EDIL3: variants seen among roughly 807,000 people sequenced by gnomAD.
EDIL3 encodes the protein EGF like and discoidin domains 3.
A neutral mutation model predicts 67.4 loss-of-function variants in EDIL3; 37 were observed. The ratio of observed to expected loss-of-function variants is 0.55; its 90% CI spans 0.42 to 0.72. EDIL3 has a LOEUF of 0.72. EDIL3 is among the 30% of genes least tolerant of loss of function. The pLI, the probability that EDIL3 is intolerant of heterozygous loss-of-function variation, is 0.00. For synonymous variants in EDIL3, 195 were observed against 196.3 expected (o/e 0.99, Z 0.05); for missense variants, 527 against 586.3 (o/e 0.90, Z 1.04).
chr5:84,030,736 G>T (rs1182867782), intron 9 of EDIL3, among the ~76,000 whole-genome samples: 4 of 152,144 alleles, frequency 2.6e-5, no homozygotes, highest in Non-Finnish European at 5.9e-5. Context: ...TCACAGCCTA[G>T]TGAGTGGTGT....
At chr5:84,189,389 C>T (rs1342388600) in intron 3 of EDIL3, among the ~76,000 whole-genome samples, 1 of 151,900 alleles carries the variant, frequency 6.6e-6, no homozygotes, top group Non-Finnish European at 1.5e-5. Flanking sequence ...TTCAGGCACT[C>T]AGCAACTTTC....
intron 1 of EDIL3, among the ~76,000 whole-genome samples, chr5:84,329,310 T>C (rs1717189839): frequency 6.6e-6 from 1 of 152,114 alleles, no homozygotes; most frequent in Non-Finnish European, 1.5e-5. Flanking sequence ...AGTTTGACAG[T>C]TTCCATTAAA....
At chr5:84,356,994 G>C (rs377548414) in intron 1 of EDIL3, among the ~76,000 whole-genome samples, 1 of 134,878 alleles carries the variant, frequency 7.4e-6, no homozygotes, top group African/African-American at 2.8e-5. Context: ...GCACGATCTC[G>C]GCTCACTGAA....
intron 9 of EDIL3, among the ~76,000 whole-genome samples, chr5:84,017,217 A>G (rs1745623293): frequency 6.6e-6 from 1 of 152,230 alleles, no homozygotes; most frequent in Admixed American, 6.5e-5. Context: ...TGTAAAATCT[A>G]AATTGCTGTA....
In EDIL3 at chr5:84,074,675, C is replaced by T. The variant is rs111278387; in HGVS notation, c.652-8069G>A. ...TACCATCTCACACCAGTTAGAATGG[C>T]AATCATTCAAAAGTCAGGAAACAAC... On this transcript the variant is annotated intron_variant, in intron 6 of 10. Transcript: ENST00000296591. Among the ~76,000 whole-genome samples, 19 of 151,944 alleles carry T rather than the reference C, an allele frequency of 1.3e-4. No homozygotes were observed. In the South Asian group the frequency reaches 3.3e-3, roughly 27 times the overall value.
chr5:84,004,377 CT>C (rs1462117175), intron 9 of EDIL3, among the ~76,000 whole-genome samples: 1 of 152,016 alleles, frequency 6.6e-6, no homozygotes, highest in African/African-American at 2.4e-5. Flanking sequence ...ATACATTCTT[CT>C]CATCTCCACA....
intron 1 of EDIL3, among the ~76,000 whole-genome samples, chr5:84,261,845 G>A (rs1434080915): frequency 1.3e-5 from 2 of 152,106 alleles, no homozygotes. Flanking sequence ...GTTATCCAGT[G>A]GTTTGCCTCA....
At chr5:84,069,726 G>GGCGA (rs550836535) in intron 6 of EDIL3, among the ~76,000 whole-genome samples, 86 of 152,238 alleles carry the variant, frequency 5.6e-4, no homozygotes, top group African/African-American at 1.9e-3. Context: ...CAGGGACCCT[G>GGCGA]GCGAGCGTTC....
chr5:84,206,513 A>G (rs1194246929), intron 3 of EDIL3, among the ~76,000 whole-genome samples: 1 of 152,182 alleles, frequency 6.6e-6, no homozygotes, highest in Non-Finnish European at 1.5e-5. Context: ...TCCAATCAAT[A>G]GAAAAAGAGG....
chr5:84,345,931 A>C (rs1027573), intron 1 of EDIL3, among the ~76,000 whole-genome samples: 1,907 of 152,194 alleles, frequency 0.013, 46 homozygotes, highest in Admixed American at 0.052. Flanking sequence ...AAAACACAAC[A>C]ATGTTTTCCA....
intron 4 of EDIL3, among the ~76,000 whole-genome samples, chr5:84,146,645 C>T (rs1235070905): frequency 6.6e-6 from 1 of 152,058 alleles, no homozygotes; most frequent in Non-Finnish European, 1.5e-5. Context: ...GTTTAATGGG[C>T]ATTTGTTCCC....
At chr5:84,099,375 C>G (rs1747320445) in intron 6 of EDIL3, among the ~76,000 whole-genome samples, 1 of 152,082 alleles carries the variant, frequency 6.6e-6, no homozygotes, top group Non-Finnish European at 1.5e-5. Context: ...GTAACCAAAA[C>G]AGATATATAG....
intron 1 of EDIL3, among the ~76,000 whole-genome samples, chr5:84,293,967 C>G (rs1169610406): frequency 6.6e-6 from 1 of 151,786 alleles, no homozygotes. Flanking sequence ...TTATATATCC[C>G]ATTTGCAAAT....
chr5:84,180,474 T>C lies in EDIL3; in HGVS notation c.274A>G (p.Ser92Gly). Residue 92 changes from serine (S) to glycine (G), a missense_variant, in exon 4 of 11, where the codon AGT (serine) becomes GGT (glycine). Around this residue, in one of 2 missense-constraint regions of EDIL3, gnomAD observed 494 missense variants for 522.5 expected, o/e 0.95. Transcript: ENST00000296591. ...AATGTATCCCCTCGGTATGCTTCAC[T>C]TATTTCACAGGTTCCTCCATTATGG... ...PCHNGGTCEI[S>G]EAYRGDTFIG... 1 of 1,608,820 alleles carries C rather than the reference T, an allele frequency of 6.2e-7. No individual in the cohort carries two copies. The highest frequency in any genetic ancestry group is 8.5e-7 in the Non-Finnish European group (1 of 1,177,482).
At chr5:84,374,829 T>C (rs1385955441) in intron 1 of EDIL3, among the ~76,000 whole-genome samples, 1 of 152,190 alleles carries the variant, frequency 6.6e-6, no homozygotes, top group Non-Finnish European at 1.5e-5. Flanking sequence ...CCTCTCTTGC[T>C]GCCACGTGAA....
intron 9 of EDIL3, among the ~76,000 whole-genome samples, chr5:84,017,781 T>C (rs986746413): frequency 4.6e-5 from 7 of 152,198 alleles, no homozygotes; most frequent in Admixed American, 1.3e-4. Flanking sequence ...ACTTATTCTG[T>C]CATCTGTTAA....
chr5:84,135,369 C>T (rs185306650), intron 5 of EDIL3, among the ~76,000 whole-genome samples: 417 of 152,312 alleles, frequency 2.7e-3, no homozygotes, highest in Middle Eastern at 6.8e-3. Context: ...TTGTTTTAAT[C>T]TATGCCGAAG....
chr5:84,359,902 C>A (rs1325282127), intron 1 of EDIL3, among the ~76,000 whole-genome samples: 1 of 152,152 alleles, frequency 6.6e-6, no homozygotes, highest in African/African-American at 2.4e-5. Context: ...TTTTCCAATT[C>A]ATGAATAAAT....
intron 6 of EDIL3, among the ~76,000 whole-genome samples, chr5:84,073,053 T>C (rs1453303548): frequency 6.6e-6 from 1 of 152,196 alleles, no homozygotes; most frequent in African/African-American, 2.4e-5. Context: ...GGGCTGCTTC[T>C]TCTTCTTCTT....
Sources: gnomAD v4.1 joint callset for allele counts (sites outside exome capture counted in the v4.1 genomes callset) on GRCh38, gnomAD v4.1.1 for gene constraint, gnomAD v4.1.1 regional missense constraint, MANE v1.5 for transcripts, NCBI Gene and HGNC (gene_info 2026-07-23, HGNC 2026-07-21) for gene names.